Variants in CSNK2A2 observed in about 807,000 individuals in gnomAD.
CSNK2A2 encodes casein kinase II subunit alpha'.
A neutral mutation model predicts 54.0 loss-of-function variants in CSNK2A2; 8 were observed. The observed-to-expected ratio is 0.15, with a 90% CI of 0.09 to 0.27. CSNK2A2 has a LOEUF of 0.27. Ranked by LOEUF, CSNK2A2 falls within the 10% of genes least tolerant of loss-of-function variation. CSNK2A2 has a pLI of 1.00. For synonymous variants in CSNK2A2, 141 were observed against 153.9 expected (o/e 0.92, Z 0.62); for missense variants, 242 against 439.4 (o/e 0.55, Z 4.02).
intron 4 of CSNK2A2, among the ~76,000 whole-genome samples, chr16:58,175,166 C>T (rs1961844533): frequency 6.6e-6 from 1 of 152,128 alleles, no homozygotes; most frequent in Admixed American, 6.5e-5. Flanking sequence ...TGATCACTGG[C>T]CAAACTGATA....
rs972294560 is a variant in CSNK2A2, at chr16:58,198,106, G to A, written c.-370C>T. ...GCGGCAGCGGAGAAGAAGGAGGAGA[G>A]GAGGAGGAGGCGGAGGAAACCCGGA... On this transcript the variant is annotated 5_prime_UTR_variant, in exon 1 of 12. Coordinates refer to ENST00000262506, the MANE Select transcript of CSNK2A2 (RefSeq NM_001896.4). 1.4e-5 allele frequency among the ~76,000 whole-genome samples: 2 copies of A among 146,824 alleles called. No individual in the cohort carries two copies. Among genetic ancestry groups the A allele is most frequent in the African/African-American group, 2.4e-5 (1 of 40,904 alleles).
chr16:58,179,809 G>C (rs948890325), intron 4 of CSNK2A2, among the ~76,000 whole-genome samples: 2 of 152,118 alleles, frequency 1.3e-5, no homozygotes, highest in African/African-American at 4.8e-5. Flanking sequence ...GCCAGGCGTG[G>C]TGGCCCACAC....
intron 4 of CSNK2A2, among the ~76,000 whole-genome samples, chr16:58,183,655 T>G (rs1653673638): frequency 1.3e-5 from 2 of 152,062 alleles, no homozygotes; most frequent in Admixed American, 1.3e-4. Flanking sequence ...CCAAAAACCT[T>G]GATATTAAGG....
At chr16:58,180,095 A>AAG (rs71155248) in intron 4 of CSNK2A2, among the ~76,000 whole-genome samples, 1 of 150,976 alleles carries the variant, frequency 6.6e-6, no homozygotes, top group African/African-American at 2.4e-5. Context: ...AAAAAAAAAA[A>AAG]GAAAAAGAGA....
At chr16:58,181,336 C>T (rs1467456193) in intron 4 of CSNK2A2, among the ~76,000 whole-genome samples, 1 of 152,264 alleles carries the variant, frequency 6.6e-6, no homozygotes, top group Admixed American at 6.5e-5. Flanking sequence ...GCACCGGAAA[C>T]GGGAAAATGA....
intron 5 of CSNK2A2, among the ~76,000 whole-genome samples, chr16:58,169,881 C>A (rs1597112196): frequency 6.6e-6 from 1 of 152,060 alleles, no homozygotes; most frequent in Non-Finnish European, 1.5e-5. Context: ...TCCACCTCTA[C>A]TAAAAATACA....
intron 2 of CSNK2A2, among the ~76,000 whole-genome samples, chr16:58,187,686 T>G (rs1448737396): frequency 1.3e-5 from 2 of 152,250 alleles, no homozygotes; most frequent in Non-Finnish European, 2.9e-5. Context: ...CAGAACACAG[T>G]AAGCACCTAA....
chr16:58,165,452 A>T (rs1285937799), intron 10 of CSNK2A2, 108 bp downstream of exon 10: 15 of 1,222,364 alleles, frequency 1.2e-5, no homozygotes, highest in Non-Finnish European at 1.7e-5. Context: ...TCTAGGAATA[A>T]TCCAATCCAA....
intron 3 of CSNK2A2, among the ~76,000 whole-genome samples, chr16:58,186,348 C>T (rs966645707): frequency 3.3e-5 from 5 of 152,202 alleles, no homozygotes; most frequent in African/African-American, 1.2e-4. Context: ...TGCCAGGTGT[C>T]CACGTGGAGA....
At chr16:58,196,923 C>T in intron 1 of CSNK2A2, 79 bp from the exon 2 acceptor site, 1 of 879,132 alleles carries the variant, frequency 1.1e-6, no homozygotes, top group South Asian at 1.3e-5. Flanking sequence ...GTCATTCAGC[C>T]GCTTCCACCA....
chr16:58,188,271 G>A (rs1021727769), intron 2 of CSNK2A2, among the ~76,000 whole-genome samples: 7 of 152,208 alleles, frequency 4.6e-5, no homozygotes, highest in African/African-American at 1.7e-4. Flanking sequence ...CGCCCGCTGT[G>A]CCAGGGTTCC....
intron 2 of CSNK2A2, among the ~76,000 whole-genome samples, chr16:58,189,491 A>G (rs1962273589): frequency 6.6e-6 from 1 of 152,184 alleles, no homozygotes; most frequent in South Asian, 2.1e-4. Context: ...AGTTGCCTTT[A>G]TGACGCTGCC....
Position 58,162,966 on chromosome 16 carries a change from A to G in CSNK2A2, c.*17+1088T>C, listed in dbSNP as rs575839023. 3.3e-5 allele frequency: 5 copies of G among 152,326 alleles called. No homozygotes were observed. The East Asian group carries it at 9.6e-4, about 29-fold the overall frequency. 9.4% of individuals were successfully genotyped at this position (152,326 alleles called of 1,614,324 possible). A position where few individuals can be genotyped will look rare whatever the true frequency, so the allele number is the denominator to read the frequency against. Reference sequence around the variant, plus strand: ...AAGACAGACTTATCTTTGCCATCACATAAATGTATCACATATCAGAACTTA... The same window carrying G: ...AAGACAGACTTATCTTTGCCATCACGTAAATGTATCACATATCAGAACTTA... On this transcript the variant is annotated intron_variant, in intron 11 of 11. Coordinates refer to ENST00000262506, the MANE Select transcript of CSNK2A2 (RefSeq NM_001896.4).
rs1264599812 is a variant in CSNK2A2 at position 58,171,979 on chromosome 16, A to T, written c.429+2472T>A. On this transcript the variant is annotated intron_variant, in intron 5 of 11. Transcript: ENST00000262506. ...CATGCATATATATATATATATATAT[A>T]TTTTTTTTTTTTTTTTTTTTTTGGT... 1.9e-3 allele frequency among the ~76,000 whole-genome samples: 127 copies of T among 66,174 alleles called. 2 individuals carry two copies. Among genetic ancestry groups the T allele is most frequent in the African/African-American group, 8.6e-3 (103 of 11,974 alleles). The allele number at this position is 66,174 out of a possible 152,430, so 43.4% of individuals were successfully genotyped here. A position where few individuals can be genotyped will look rare whatever the true frequency, so the allele number is the denominator to read the frequency against.
At chr16:58,177,528 C>A (rs1178452930) in intron 4 of CSNK2A2, among the ~76,000 whole-genome samples, 1 of 152,208 alleles carries the variant, frequency 6.6e-6, no homozygotes, top group Non-Finnish European at 1.5e-5. Context: ...TAGGCATACA[C>A]ACAGCTGTTC....
chr16:58,184,424 A>C (rs1962139755), intron 3 of CSNK2A2, 114 bp from the exon 4 acceptor site: 1 of 658,898 alleles, frequency 1.5e-6, no homozygotes, highest in East Asian at 2.9e-5. Context: ...GGATTCACTC[A>C]TCAGGGACAG....
intron 4 of CSNK2A2, among the ~76,000 whole-genome samples, chr16:58,177,868 T>G (rs529616930): frequency 6.6e-6 from 1 of 152,316 alleles, no homozygotes; most frequent in East Asian, 1.9e-4. Context: ...AACCTCTAAG[T>G]TCCAGAATAA....
At chr16:58,168,819 TAA>T in intron 5 of CSNK2A2, 126 bp from the exon 6 acceptor site, 1 of 690,572 alleles carries the variant, frequency 1.4e-6, no homozygotes, top group Non-Finnish European at 2.4e-6. Flanking sequence ...TTGCTGCCTG[TAA>T]TGAAAGAGAA....
intron 5 of CSNK2A2, 140 bp downstream of exon 5, chr16:58,174,311 G>T (rs1276754046): frequency 3.4e-6 from 2 of 581,156 alleles, no homozygotes; most frequent in African/African-American, 2.0e-5. Context: ...CTCGATGGAG[G>T]CCTCAATATA....
Sources: allele counts gnomAD v4.1 joint callset (sites outside exome capture counted in the v4.1 genomes callset), GRCh38; gene constraint gnomAD v4.1.1; transcripts MANE v1.5; gene names NCBI Gene and HGNC (gene_info 2026-07-23, HGNC 2026-07-21).